The following COMMD10 variants were observed in gnomAD, a reference collection of about 807,000 sequenced individuals.
COMMD10 encodes the protein COMM domain containing 10.
Under a neutral mutation model 28.9 loss-of-function variants are expected in COMMD10, and 33 were observed. The ratio of observed to expected loss-of-function variants is 1.14; its 90% CI spans 0.87 to 1.53. COMMD10 has a LOEUF of 1.53. Ranked by LOEUF, COMMD10 falls within the 40% of genes most tolerant of loss-of-function variation. The pLI is 0.00. For synonymous variants in COMMD10, 110 were observed against 81.7 expected (o/e 1.35, Z -1.87); for missense variants, 310 against 233.4 (o/e 1.33, Z -2.14).
intron 5 of COMMD10, among the ~76,000 whole-genome samples, chr5:116,161,245 C>A (rs918094520): frequency 1.1e-4 from 17 of 152,122 alleles, no homozygotes; most frequent in Admixed American, 1.0e-3. Context: ...TTGTTCTTAT[C>A]TTCGTCATCT....
At chr5:116,150,864 A>C (rs1225791898) in intron 5 of COMMD10, among the ~76,000 whole-genome samples, 10 of 147,370 alleles carry the variant, frequency 6.8e-5, no homozygotes, top group South Asian at 6.6e-4. Flanking sequence ...TCTCCTGCCT[A>C]ATTGCCCTGG....
At chr5:116,236,356 T>G (rs961398281) in intron 5 of COMMD10, among the ~76,000 whole-genome samples, 3 of 151,794 alleles carry the variant, frequency 2.0e-5, no homozygotes, top group Admixed American at 6.6e-5. Context: ...GTACAAAAAT[T>G]AGCTGGTCAT....
chr5:116,242,208 G>A (rs1749832747), intron 5 of COMMD10, among the ~76,000 whole-genome samples: 1 of 152,178 alleles, frequency 6.6e-6, no homozygotes, highest in African/African-American at 2.4e-5. Flanking sequence ...TAATTGTACA[G>A]TAAGATTTAG....
At chr5:116,144,092 G>A (rs942312058) in intron 5 of COMMD10, among the ~76,000 whole-genome samples, 11 of 151,824 alleles carry the variant, frequency 7.2e-5, no homozygotes, top group African/African-American at 2.7e-4. Context: ...AGATTGTCAG[G>A]TTTGTAGTCT....
chr5:116,152,865 T>G (rs1330545797), intron 5 of COMMD10, among the ~76,000 whole-genome samples: 1 of 152,134 alleles, frequency 6.6e-6, no homozygotes, highest in Non-Finnish European at 1.5e-5. Context: ...AGTAGTTTCA[T>G]TGACCTATTT....
intron 5 of COMMD10, among the ~76,000 whole-genome samples, chr5:116,234,885 A>G (rs1002767003): frequency 2.0e-5 from 3 of 152,186 alleles, no homozygotes; most frequent in African/African-American, 7.2e-5. Context: ...GAGCTAGGGA[A>G]AAAGGGTGAC....
At chr5:116,235,475 C>T (rs534108868) in intron 5 of COMMD10, among the ~76,000 whole-genome samples, 563 of 152,288 alleles carry the variant, frequency 3.7e-3, no homozygotes, top group Non-Finnish European at 6.6e-3. Context: ...GCTCTCACCT[C>T]TTCATCTATT....
At chr5:116,169,153 T>C (rs867695803) in intron 5 of COMMD10, among the ~76,000 whole-genome samples, 4 of 151,866 alleles carry the variant, frequency 2.6e-5, no homozygotes, top group African/African-American at 9.7e-5. Flanking sequence ...CAATAAAAAA[T>C]GATAAAGGGG....
intron 5 of COMMD10, among the ~76,000 whole-genome samples, chr5:116,284,803 A>G (rs1751175440): frequency 6.6e-6 from 1 of 151,886 alleles, no homozygotes; most frequent in Non-Finnish European, 1.5e-5. Context: ...ATAGGCCAGA[A>G]GTATATAAAA....
At chr5:116,247,316 A>G (rs1232317117) in intron 5 of COMMD10, among the ~76,000 whole-genome samples, 1 of 152,066 alleles carries the variant, frequency 6.6e-6, no homozygotes. Context: ...GTCAAAAAAT[A>G]ACAGATGTTG....
chr5:116,141,374 G>A (rs868251840), intron 5 of COMMD10, among the ~76,000 whole-genome samples: 8 of 151,270 alleles, frequency 5.3e-5, no homozygotes, highest in African/African-American at 1.5e-4. Context: ...ATCTAACTTT[G>A]TTTTACTTTC....
rs73780867 is a variant in COMMD10 at position 116,185,641 on chromosome 5, A to G, written c.510+51463A>G. On this transcript the variant is annotated intron_variant, in intron 5 of 6. Transcript: ENST00000274458. ...AACATAGCAAAAGGACAAGGGTCCTATGTAAAGAGGGCATTTCTGGTGGAA... is the reference window on the plus strand; with the variant it reads ...AACATAGCAAAAGGACAAGGGTCCTGTGTAAAGAGGGCATTTCTGGTGGAA... Among the ~76,000 whole-genome samples, 685 of 152,242 alleles carry G rather than the reference A, an allele frequency of 4.5e-3. 6 individuals are homozygous for G. The highest frequency in any genetic ancestry group is 0.015 in the African/African-American group (627 of 41,564).
intron 5 of COMMD10, among the ~76,000 whole-genome samples, chr5:116,240,879 T>C (rs1185696849): frequency 6.6e-6 from 1 of 152,234 alleles, no homozygotes; most frequent in Non-Finnish European, 1.5e-5. Flanking sequence ...TATAAACTGC[T>C]GGCTCCTCAA....
At chr5:116,102,691 A>G (rs1750703480) in intron 4 of COMMD10, among the ~76,000 whole-genome samples, 1 of 152,094 alleles carries the variant, frequency 6.6e-6, no homozygotes, top group African/African-American at 2.4e-5. Flanking sequence ...TTATGTTTTA[A>G]GTTCTGGGGT....
chr5:116,250,308 T>C (rs903063695), intron 5 of COMMD10, among the ~76,000 whole-genome samples: 1 of 151,902 alleles, frequency 6.6e-6, no homozygotes, highest in Non-Finnish European at 1.5e-5. Flanking sequence ...TAATAACGTG[T>C]TATCTTTCAG....
chr5:116,087,631 T>C, intron 2 of COMMD10, 44 bp downstream of exon 2: 2 of 1,316,244 alleles, frequency 1.5e-6, no homozygotes, highest in Non-Finnish European at 1.1e-6. Context: ...TTCCTTCTGA[T>C]TTAATTGAAA....
intron 5 of COMMD10, among the ~76,000 whole-genome samples, chr5:116,155,999 T>C (rs573810373): frequency 6.6e-5 from 10 of 152,242 alleles, no homozygotes; most frequent in African/African-American, 2.4e-4. Context: ...AGCTGAGGAT[T>C]ACTATTTGTG....
intron 4 of COMMD10, among the ~76,000 whole-genome samples, chr5:116,120,006 A>G (rs1255828087): frequency 6.6e-6 from 1 of 152,076 alleles, no homozygotes; most frequent in African/African-American, 2.4e-5. Flanking sequence ...ATGAATTTTG[A>G]TAGCTGTATT....
chr5:116,229,947 T>A (rs1300708603), intron 5 of COMMD10, among the ~76,000 whole-genome samples: 2 of 151,722 alleles, frequency 1.3e-5, no homozygotes, highest in Non-Finnish European at 2.9e-5. Flanking sequence ...GATATATGAT[T>A]ATTCATACCT....
Sources: allele counts gnomAD v4.1 joint callset (sites outside exome capture counted in the v4.1 genomes callset), GRCh38; gene constraint gnomAD v4.1.1; transcripts MANE v1.5; gene names NCBI Gene and HGNC (gene_info 2026-07-23, HGNC 2026-07-21).